TCF4: variants seen among roughly 807,000 people sequenced by gnomAD.
The protein encoded by TCF4 is SL3-3 enhancer factor 2.
In TCF4, 3 loss-of-function variants were observed where a neutral mutation model predicts 82.1. The observed-to-expected ratio is 0.04, with a 90% CI of 0.02 to 0.09. The LOEUF is 0.09. TCF4 is among the 10% of genes least tolerant of loss of function. The probability of loss-of-function intolerance (pLI) is 1.00; values close to 1 mark genes in which losing one functional copy is unlikely to be tolerated. For synonymous variants in TCF4, 276 were observed against 309.6 expected (o/e 0.89, Z 1.14); for missense variants, 518 against 852.7 (o/e 0.61, Z 4.89).
chr18:55,530,561 A>ACG (rs1555729284), intron 3 of TCF4, among the ~76,000 whole-genome samples: 2 of 106,424 alleles, frequency 1.9e-5, no homozygotes, highest in Non-Finnish European at 3.7e-5. Flanking sequence ...GGCCCTGAAA[A>ACG]GGGGGGGGGA....
chr18:55,625,396 G>T (rs1193234661), intron 2 of TCF4, among the ~76,000 whole-genome samples: 3 of 151,938 alleles, frequency 2.0e-5, no homozygotes, highest in Non-Finnish European at 2.9e-5. Context: ...ACACCACCAT[G>T]CCCAGCTAAT....
chr18:55,590,157 G>C (rs546922898), upstream of TCF4, among the ~76,000 whole-genome samples: 21 of 152,354 alleles, frequency 1.4e-4, no homozygotes, highest in African/African-American at 4.8e-4. Flanking sequence ...AGGGAAGTGA[G>C]ATACCCCCAG....
chr18:55,262,497 T>A (rs1197381426), intron 11 of TCF4, among the ~76,000 whole-genome samples: 2 of 152,188 alleles, frequency 1.3e-5, no homozygotes. Flanking sequence ...GAGGGAAGAT[T>A]GTTTTTCACT....
chr18:55,462,856 G>A (rs1201264798), intron 4 of TCF4, among the ~76,000 whole-genome samples: 14 of 152,136 alleles, frequency 9.2e-5, no homozygotes, highest in Admixed American at 9.2e-4. Flanking sequence ...TCGACAGCTG[G>A]TGTAAGGGCT....
intron 5 of TCF4, among the ~76,000 whole-genome samples, chr18:55,435,476 G>A (rs1156879818): frequency 6.6e-6 from 1 of 152,144 alleles, no homozygotes; most frequent in Non-Finnish European, 1.5e-5. Context: ...CTCCACAAGG[G>A]CAGGCATTAT....
intron 3 of TCF4, among the ~76,000 whole-genome samples, chr18:55,570,362 C>A (rs1374018693): frequency 6.6e-6 from 1 of 152,154 alleles, no homozygotes; most frequent in African/African-American, 2.4e-5. Flanking sequence ...TTATCAAGAG[C>A]TACCATAGAG....
intron 4 of TCF4, among the ~76,000 whole-genome samples, chr18:55,462,169 T>G (rs910688000): frequency 1.3e-5 from 2 of 152,166 alleles, no homozygotes; most frequent in African/African-American, 4.8e-5. Context: ...CAATCACCTT[T>G]CCTCGTGTAT....
chr18:55,292,622 ATAGT>A lies in TCF4; in HGVS notation c.550-12970_550-12967del, dbSNP rs1411794406. ...GGTGGAGAAACATTCATTAAAGTAG[ATAGT>A]TCTTTGTTTACATAATTAGGAAATA... On this transcript the variant is annotated intron_variant, in intron 8 of 19. Coordinates refer to ENST00000354452, the MANE Select transcript of TCF4 (RefSeq NM_001083962.2). Among the ~76,000 whole-genome samples, 6 of 152,124 alleles carry A rather than the reference ATAGT, an allele frequency of 3.9e-5. No individual in the cohort carries two copies. In the Middle Eastern group the frequency reaches 9.5e-3, roughly 241 times the overall value.
rs1555791430 is a variant in TCF4, at chr18:55,621,514, T to TATAATATATATATAATGTACATTA, written c.286+9783_286+9784insTAATGTACATTATATATATATTAT. Among the ~76,000 whole-genome samples the TATAATATATATATAATGTACATTA allele has an allele frequency of 9.0e-3, 161 of 17,914 alleles. 45 individuals carry two copies. The highest frequency in any genetic ancestry group is 0.028 in the Middle Eastern group (1 of 36). The allele number at this position is 17,914 out of a possible 152,430, so 11.8% of individuals were successfully genotyped here. On this transcript the variant is annotated intron_variant, in intron 2 of 20. Coordinates refer to the TCF4 transcript ENST00000398339. ...TTATATAATGTACATTATATATATA[T>TATAATATATATATAATGTACATTA]TATATAATATTATATAATATATATA...
intron 5 of TCF4, among the ~76,000 whole-genome samples, chr18:55,404,594 T>C (rs2093993871): frequency 6.6e-6 from 1 of 152,204 alleles, no homozygotes. Flanking sequence ...TGAATAGATT[T>C]CCTTCTGAAG....
chr18:55,353,704 A>C (rs1270604608), intron 6 of TCF4, among the ~76,000 whole-genome samples: 1 of 152,324 alleles, frequency 6.6e-6, no homozygotes, highest in Non-Finnish European at 1.5e-5. Flanking sequence ...TGAGAAAGAT[A>C]AATTTTCCAC....
chr18:55,439,999 C>T (rs957721230), intron 5 of TCF4, among the ~76,000 whole-genome samples: 7 of 152,192 alleles, frequency 4.6e-5, no homozygotes, highest in African/African-American at 7.2e-5. Flanking sequence ...GCTGAGATTA[C>T]AGGCCTGTTA....
At chr18:55,517,759 C>T (rs544046179) in intron 3 of TCF4, among the ~76,000 whole-genome samples, 1 of 152,142 alleles carries the variant, frequency 6.6e-6, no homozygotes, top group African/African-American at 2.4e-5. Flanking sequence ...TCAGTGCAAG[C>T]AAAGCTACAT....
chr18:55,291,607 C>G lies in TCF4; in HGVS notation c.550-11951G>C, dbSNP rs2065112525. 2.0e-5 allele frequency among the ~76,000 whole-genome samples: 3 copies of G among 152,142 alleles called. No individual in the cohort carries two copies. The South Asian group carries it at 6.2e-4, about 32-fold the overall frequency. The stretch of plus-strand genomic sequence containing the variant: ...CATGAAATAATTACCAAATGTATGA[C>G]TCTGTGGCACAGATTGAAATGAAAA... On this transcript the variant is annotated intron_variant, in intron 8 of 19. Coordinates refer to ENST00000354452, the MANE Select transcript of TCF4 (RefSeq NM_001083962.2).
At chr18:55,451,948 G>A (rs981521394) in intron 5 of TCF4, among the ~76,000 whole-genome samples, 1 of 152,172 alleles carries the variant, frequency 6.6e-6, no homozygotes, top group African/African-American at 2.4e-5. Context: ...TGAAGATGCA[G>A]TGAGCTATAA....
chr18:55,399,880 T>TCTCACACA (rs1283846701), intron 6 of TCF4, among the ~76,000 whole-genome samples: 10 of 63,468 alleles, frequency 1.6e-4, no homozygotes, highest in Non-Finnish European at 2.6e-4. Flanking sequence ...TCTCTCTCTC[T>TCTCACACA]CACACACACA....
At chr18:55,345,877 T>C (rs1285699360) in intron 8 of TCF4, among the ~76,000 whole-genome samples, 1 of 152,192 alleles carries the variant, frequency 6.6e-6, no homozygotes, top group Non-Finnish European at 1.5e-5. Flanking sequence ...TTCCCTATGA[T>C]CAATTTCAAA....
chr18:55,299,592 T>A (rs1223763492), intron 8 of TCF4, among the ~76,000 whole-genome samples: 2 of 152,018 alleles, frequency 1.3e-5, no homozygotes, highest in Non-Finnish European at 2.9e-5. Flanking sequence ...TATTTTGAAA[T>A]GCAATAGCCA....
rs942889699 is a variant in TCF4 at position 55,223,074 on chromosome 18, G to A, written c.*4961C>T. On this transcript the variant is annotated 3_prime_UTR_variant, in exon 20 of 20. Transcript: ENST00000354452. ...GTTCTGCCAAACAGCCGACCAACTG[G>A]TGCAAAAGGTTAAGGCTGACTTGAC... 1 of 152,182 alleles carries A rather than the reference G, an allele frequency of 6.6e-6. No homozygotes were observed. Among genetic ancestry groups the A allele is most frequent in the African/African-American group, 2.4e-5 (1 of 41,442 alleles). The allele number at this position is 152,182 out of a possible 1,614,324, so 9.4% of individuals were successfully genotyped here.
Sources: gnomAD v4.1 joint callset for allele counts (sites outside exome capture counted in the v4.1 genomes callset) on GRCh38, gnomAD v4.1.1 for gene constraint, MANE v1.5 for transcripts, NCBI Gene and HGNC (gene_info 2026-07-23, HGNC 2026-07-21) for gene names.